SPTAN1: variants seen among roughly 807,000 people sequenced by gnomAD.
The protein encoded by SPTAN1 is spectrin alpha, non-erythrocytic 1, also known as spectrin alpha chain, non-erythrocytic 1.
Under a neutral mutation model 331.3 loss-of-function variants are expected in SPTAN1, and 61 were observed. The ratio of observed to expected loss-of-function variants is 0.18; its 90% confidence interval spans 0.15 to 0.23. The LOEUF is 0.23. SPTAN1 is among the 10% of genes least tolerant of loss of function. The probability of loss-of-function intolerance (pLI) is 1.00; values close to 1 mark genes in which losing one functional copy is unlikely to be tolerated. For synonymous variants in SPTAN1, 1,153 were observed against 1,173.9 expected (o/e 0.98, Z 0.36); for missense variants, 2,043 against 3,147.9 (o/e 0.65, Z 8.40).
At chr9:128,568,070 T>A (rs965958265) in intron 2 of SPTAN1, among the ~76,000 whole-genome samples, 6 of 152,208 alleles carry the variant, frequency 3.9e-5, no homozygotes, top group African/African-American at 1.4e-4. Context: ...CCAAAACTTT[T>A]TTTATAAAAA....
At chr9:128,619,064 A>G in intron 44 of SPTAN1, 61 bp downstream of exon 44, 6 of 1,610,640 alleles carry the variant, frequency 3.7e-6, no homozygotes, top group Non-Finnish European at 5.1e-6. Flanking sequence ...GCTGGTCATC[A>G]TTTCCCTGTT....
In SPTAN1 at chr9:128,583,813, G is replaced by C. The variant is rs777716023; in HGVS notation, c.2037G>C (p.Gln679His). The C allele has an allele frequency of 1.2e-6, 2 of 1,614,188 alleles. No homozygotes were observed. The highest frequency in any genetic ancestry group is 1.7e-6 in the Non-Finnish European group (2 of 1,180,034). The change falls in exon 16 of 57, where the codon CAG (glutamine) becomes CAC (histidine). Residue 679 changes from glutamine to histidine, a missense_variant. Around this residue, in one of 12 missense-constraint regions of SPTAN1, gnomAD observed 1,038 missense variants for 1,531.5 expected, o/e 0.68. Coordinates refer to ENST00000372739, the MANE Select transcript of SPTAN1 (RefSeq NM_001130438.3). ...LKGIKLREANQQQQFNRNVED... is the reference protein window; with the variant it reads ...LKGIKLREANHQQQFNRNVED... The stretch of plus-strand genomic sequence containing the variant: ...GAATAAAGCTTCGTGAAGCCAACCA[G>C]CAACAGCAATTTAATCGCAATGTTG...
chr9:128,628,447 G>A (rs908221314), intron 51 of SPTAN1: 5 of 343,926 alleles, frequency 1.5e-5, no homozygotes, highest in Admixed American at 3.9e-5. Context: ...TTACTTTCCT[G>A]GGGTCAGGGA....
At position 128,609,172 on chromosome 9, in the gene SPTAN1, A is replaced by T; in HGVS notation, c.4646A>T (p.Glu1549Val). ...ATTGAGAAAAGGTCAAAGCTAGGAG[A>T]ATCTCAAACCCTCCAACAGTTCAGC... ...QMIEKRSKLG[E>V]SQTLQQFSRD... Residue 1549 changes from glutamate (E) to valine (V), a missense_variant, in exon 36 of 57, where the codon GAA (glutamate) becomes GTA (valine). By Grantham distance (121) the Glu-to-Val change is moderately radical. Coordinates refer to ENST00000372739, the MANE Select transcript of SPTAN1 (RefSeq NM_001130438.3). 6.2e-7 allele frequency: 1 copy of T among 1,614,166 alleles called. No individual in the cohort carries two copies. Among genetic ancestry groups the T allele is most frequent in the Non-Finnish European group, 8.5e-7 (1 of 1,180,034 alleles).
At chr9:128,585,699 G>T in intron 18 of SPTAN1, 49 bp from the exon 19 acceptor site, 1 of 1,471,174 alleles carries the variant, frequency 6.8e-7, no homozygotes. Context: ...GTCCTTCTGT[G>T]ATGTGTCAAC....
At chr9:128,596,402 G>A (rs7870448) in intron 24 of SPTAN1, 32,986 of 151,518 alleles carry the variant, frequency 0.22, 5,180 homozygotes, top group East Asian at 0.44. Flanking sequence ...TCAGCCTCCC[G>A]AGTAGCTGGG....
chr9:128,584,155 C>G (rs1249404123), intron 16 of SPTAN1, 127 bp from the exon 17 acceptor site: 1 of 1,511,972 alleles, frequency 6.6e-7, no homozygotes, highest in Non-Finnish European at 9.1e-7. Context: ...TCTAGGAGCC[C>G]CAGATGAAGG....
intron 44 of SPTAN1, 53 bp downstream of exon 44, chr9:128,619,056 TG>T: frequency 1.9e-6 from 3 of 1,611,598 alleles, no homozygotes; most frequent in Non-Finnish European, 1.7e-6. Context: ...AACTGCCTGC[TG>T]GTCATCATTT....
In SPTAN1 at chr9:128,628,135, G is replaced by C. The variant is rs766144097; in HGVS notation, c.6707+193G>C. 8 of 798,188 alleles carry C rather than the reference G, an allele frequency of 1.0e-5. No homozygotes were observed. In the African/African-American group the frequency reaches 1.2e-4, roughly 12 times the overall value. 49.4% of individuals were successfully genotyped at this position (798,188 alleles called of 1,614,324 possible). A position where few individuals can be genotyped will look rare whatever the true frequency, so the allele number is the denominator to read the frequency against. On this transcript the variant is annotated intron_variant, in intron 51 of 56. Transcript: ENST00000372739. ...CCATAGCCCATGGTCCCTGGTCCCC[G>C]ATAGAGCCTTCAAGCCAGGGGGAGC... is the stretch of plus-strand genomic sequence containing the variant.
intron 39 of SPTAN1, among the ~76,000 whole-genome samples, chr9:128,612,826 T>C (rs1856719616): frequency 6.6e-6 from 1 of 152,090 alleles, no homozygotes; most frequent in Non-Finnish European, 1.5e-5. Flanking sequence ...CTCAGGAGGC[T>C]GAGCAGGAGA....
Position 128,618,046 on chromosome 9 carries a change from C to A in SPTAN1, c.5538C>A (p.Ile1846=). Reference sequence around the variant, plus strand: ...ACAACACCATCGGGAAAGAGGAGATCCAGCAGCGGCTGGCGCAGTTTGTGG... The same window carrying A: ...ACAACACCATCGGGAAAGAGGAGATACAGCAGCGGCTGGCGCAGTTTGTGG... The part of the protein sequence containing the change: ...SDDNTIGKEE[I]QQRLAQFVEH... The change falls in exon 43 of 57, where the codon ATC becomes ATA. Residue 1846 remains isoleucine (I), a synonymous_variant. Transcript: ENST00000372739. The A allele has an allele frequency of 6.2e-7, 1 of 1,614,106 alleles. No homozygotes were observed. Among genetic ancestry groups the A allele is most frequent in the Non-Finnish European group, 8.5e-7 (1 of 1,180,020 alleles).
chr9:128,574,852 C>G (rs1300444637), intron 4 of SPTAN1, 37 bp downstream of exon 4: 18 of 1,613,520 alleles, frequency 1.1e-5, no homozygotes, highest in Non-Finnish European at 1.4e-5. Context: ...AAGCTTTACT[C>G]AAAGAAAAGG....
At position 128,588,891 on chromosome 9, in the gene SPTAN1, A is replaced by G; in HGVS notation, c.2954A>G (p.Glu985Gly). 6.2e-7 allele frequency: 1 copy of G among 1,614,136 alleles called. No individual in the cohort carries two copies. Among genetic ancestry groups the G allele is most frequent in the Non-Finnish European group, 8.5e-7 (1 of 1,180,028 alleles). The change falls in exon 21 of 57, where the codon GAG becomes GGG. Residue 985 changes from glutamate to glycine, a missense_variant. By Grantham distance (98) the Glu-to-Gly change is moderately conservative. This residue lies in a region of SPTAN1 where 1,038 missense variants were observed against 1,531.5 expected (regional missense o/e 0.68). Transcript: ENST00000372739. Reference protein sequence around the residue: ...LYDYQEKSPREVTMKKGDILT... With the variant: ...LYDYQEKSPRGVTMKKGDILT... ...GACTATCAGGAGAAGAGTCCCCGAG[A>G]GGTCACCATGAAGAAGGGAGATATC...
Position 128,627,451 on chromosome 9 carries a change from G to T in SPTAN1, c.6642G>T (p.Glu2214Asp). Residue 2214 changes from glutamate (E) to aspartate (D), a missense_variant, in exon 50 of 57, where the codon GAG becomes GAT. Physicochemically the swap from Glu to Asp is conservative, Grantham distance 45. Around this residue, in one of 12 missense-constraint regions of SPTAN1, gnomAD observed 256 missense variants for 376.4 expected, o/e 0.68. Transcript: ENST00000372739. The surrounding 1 kb of genome is among the most constrained non-coding windows in gnomAD (Gnocchi z 4.9). ...RQEENDKLRQ[E>D]FAQHANAFHQ... ...AGGAGAACGACAAGCTGCGCCAGGA[G>T]TTTGCCCAGCACGCCAACGCCTTCC... 1 of 1,551,168 alleles carries T rather than the reference G, an allele frequency of 6.4e-7. No individual in the cohort carries two copies. The highest frequency in any genetic ancestry group is 8.7e-7 in the Non-Finnish European group (1 of 1,147,052).
intron 1 of SPTAN1, among the ~76,000 whole-genome samples, chr9:128,563,747 A>G (rs1419043471): frequency 7.1e-6 from 1 of 139,962 alleles, no homozygotes; most frequent in Non-Finnish European, 1.5e-5. Flanking sequence ...ACAGGGTCTC[A>G]TTGTGTCACC....
In SPTAN1 at chr9:128,594,178, T is replaced by C. The variant is rs761538979; in HGVS notation, c.3219T>C (p.Tyr1073=). ...SLRMKQVEEL[Y]HSLLELGEKR... Reference sequence around the variant, plus strand: ...TCACCCTCTTGAATTCCATCAGATATCATTCTCTGCTGGAACTGGGTGAGA... The same window carrying C: ...TCACCCTCTTGAATTCCATCAGATACCATTCTCTGCTGGAACTGGGTGAGA... The change falls in exon 24 of 57, where the codon TAT becomes TAC. Residue 1073 remains tyrosine, a synonymous_variant. Transcript: ENST00000372739. The C allele has an allele frequency of 9.9e-6, 16 of 1,614,104 alleles. No homozygotes were observed. The highest frequency in any genetic ancestry group is 1.3e-5 in the Non-Finnish European group (15 of 1,179,972).
intron 1 of SPTAN1, among the ~76,000 whole-genome samples, chr9:128,562,318 G>T (rs1451107706): frequency 6.6e-6 from 1 of 152,132 alleles, no homozygotes; most frequent in East Asian, 1.9e-4. Flanking sequence ...GGCCAGGCTG[G>T]TCTGGAGCTC....
chr9:128,625,301 C>A lies in SPTAN1; in HGVS notation c.6069+122C>A. On this transcript the variant is annotated intron_variant, in intron 47 of 56. Transcript: ENST00000372739. The surrounding 1 kb of genome is among the most constrained non-coding windows in gnomAD (Gnocchi z 4.1). Reference sequence around the variant, plus strand: ...CCCTGGGGATCAGCAGGAAAAAGATCCTGTCCTGGTCCTCAGGGAGCTTCC... The same window carrying A: ...CCCTGGGGATCAGCAGGAAAAAGATACTGTCCTGGTCCTCAGGGAGCTTCC... 12 of 1,012,050 alleles carry A rather than the reference C, an allele frequency of 1.2e-5. No individual in the cohort carries two copies. In the South Asian group the frequency reaches 1.4e-4, roughly 11 times the overall value. 62.7% of individuals were successfully genotyped at this position (1,012,050 alleles called of 1,614,324 possible).
intron 21 of SPTAN1, 42 bp downstream of exon 21, chr9:128,588,985 A>G: frequency 6.2e-7 from 1 of 1,609,776 alleles, no homozygotes; most frequent in Non-Finnish European, 8.5e-7. Flanking sequence ...CCACGCTGGC[A>G]CCTCCACGTA....
Sources: gnomAD v4.1 joint callset for allele counts (sites outside exome capture counted in the v4.1 genomes callset) on GRCh38, gnomAD v4.1.1 for gene constraint, gnomAD v4.1.1 regional missense constraint, Gnocchi (gnomAD v3.1) non-coding constraint, MANE v1.5 for transcripts, NCBI Gene and HGNC (gene_info 2026-07-23, HGNC 2026-07-21) for gene names.